The following CNTNAP2 variants were observed in gnomAD, a reference collection of about 807,000 sequenced individuals.
CNTNAP2 encodes contactin associated protein 2.
Under a neutral mutation model 155.2 loss-of-function variants are expected in CNTNAP2, and 98 were observed. The observed-to-expected ratio is 0.63, with a 90% confidence interval of 0.54 to 0.75. The LOEUF (loss-of-function observed/expected upper bound fraction) is 0.75. Ranked by LOEUF, CNTNAP2 falls within the 30% of genes least tolerant of loss-of-function variation. CNTNAP2 has a pLI of 0.00. For missense variants in CNTNAP2, 1,727 were observed against 1,688.1 expected, an observed-to-expected ratio of 1.02 and a Z score of -0.40; for synonymous variants, 651 against 631.2, an observed-to-expected ratio of 1.03 and a Z score of -0.47.
At chr7:148,029,023 A>ATT (rs1232555748) in intron 15 of CNTNAP2, among the ~76,000 whole-genome samples, 1 of 152,152 alleles carries the variant, frequency 6.6e-6, no homozygotes, top group African/African-American at 2.4e-5. Flanking sequence ...TCCATTTTTC[A>ATT]TTATTAAAAT....
At chr7:146,479,980 T>C (rs1387300863) in intron 1 of CNTNAP2, among the ~76,000 whole-genome samples, 1 of 152,082 alleles carries the variant, frequency 6.6e-6, no homozygotes, top group East Asian at 1.9e-4. Flanking sequence ...ATACGGGGTT[T>C]CACCAGGTTG....
At chr7:148,110,506 G>A (rs2116596461) in intron 15 of CNTNAP2, among the ~76,000 whole-genome samples, 1 of 152,106 alleles carries the variant, frequency 6.6e-6, no homozygotes, top group Middle Eastern at 3.4e-3. Flanking sequence ...CCCACAGGTG[G>A]ACTGTGACTT....
chr7:147,697,541 T>G lies in CNTNAP2; in HGVS notation c.2098+58235T>G, dbSNP rs562511766. Among the ~76,000 whole-genome samples the G allele has an allele frequency of 3.3e-5, 5 of 152,284 alleles. No homozygotes were observed. In the South Asian group the frequency reaches 1.0e-3, roughly 32 times the overall value. ...CAGTCTCCAACTATGGTTTTTGTTT[T>G]TTTGCCTTTATTAATATAGTGATAC... On this transcript the variant is annotated intron_variant, in intron 13 of 23. Transcript: ENST00000361727.
In CNTNAP2 at chr7:146,774,300, C is replaced by A; in HGVS notation, c.127C>A (p.Leu43Ile). The change falls in exon 2 of 24, where the codon CTC (leucine) becomes ATC (isoleucine). Residue 43 changes from leucine to isoleucine, a missense_variant. Leu to Ile is a conservative substitution (Grantham distance 5). Transcript: ENST00000361727. ...ATGTGATGAGCCACTTGTCTCTGGA[C>A]TCCCCCATGTGGCTTTCAGCAGCTC... ...QKCDEPLVSGLPHVAFSSSSS... is the reference protein window; with the variant it reads ...QKCDEPLVSGIPHVAFSSSSS... 2 of 1,613,950 alleles carry A rather than the reference C, an allele frequency of 1.2e-6. No homozygotes were observed. The highest frequency in any genetic ancestry group is 1.7e-6 in the Non-Finnish European group (2 of 1,179,952).
intron 20 of CNTNAP2, among the ~76,000 whole-genome samples, chr7:148,231,934 G>A (rs1795969495): frequency 6.6e-6 from 1 of 152,196 alleles, no homozygotes; most frequent in Non-Finnish European, 1.5e-5. Context: ...TTCTGAGGTA[G>A]GAGAGGAGAA....
intron 1 of CNTNAP2, among the ~76,000 whole-genome samples, chr7:146,615,319 C>T (rs1246233094): frequency 6.6e-6 from 1 of 152,188 alleles, no homozygotes; most frequent in Non-Finnish European, 1.5e-5. Context: ...AGTTCTGAGT[C>T]TTGCCAGTTA....
At chr7:147,990,731 G>A (rs1393999626) in intron 15 of CNTNAP2, among the ~76,000 whole-genome samples, 3 of 152,078 alleles carry the variant, frequency 2.0e-5, no homozygotes, top group African/African-American at 7.2e-5. Context: ...TGATGCTCCT[G>A]CTCTGTCAAG....
chr7:146,759,822 G>T (rs959820084), intron 1 of CNTNAP2, among the ~76,000 whole-genome samples: 18 of 152,018 alleles, frequency 1.2e-4, no homozygotes, highest in Non-Finnish European at 1.8e-4. Context: ...ATGGAAAAAG[G>T]TTCGCAGTTA....
chr7:146,938,103 A>G (rs1299103122), intron 3 of CNTNAP2, among the ~76,000 whole-genome samples: 4 of 152,152 alleles, frequency 2.6e-5, no homozygotes, highest in African/African-American at 9.6e-5. Context: ...ATCTATAACA[A>G]AGATAAGTGA....
intron 3 of CNTNAP2, among the ~76,000 whole-genome samples, chr7:146,931,293 C>T (rs866914974): frequency 5.3e-5 from 8 of 151,998 alleles, no homozygotes; most frequent in South Asian, 2.1e-4. Flanking sequence ...CACTCAAAAC[C>T]GCTCAACTAC....
At chr7:147,566,598 G>C (rs570896077) in intron 12 of CNTNAP2, among the ~76,000 whole-genome samples, 4 of 152,252 alleles carry the variant, frequency 2.6e-5, no homozygotes, top group African/African-American at 9.6e-5. Context: ...GCAGGAGAGA[G>C]CATGTGAAGG....
intron 13 of CNTNAP2, among the ~76,000 whole-genome samples, chr7:147,660,245 G>T (rs565841825): frequency 6.6e-6 from 1 of 152,266 alleles, no homozygotes; most frequent in African/African-American, 2.4e-5. Flanking sequence ...GTATTCCTTT[G>T]TACCCTTTTC....
At chr7:146,158,512 G>A (rs1047069657) in intron 1 of CNTNAP2, among the ~76,000 whole-genome samples, 9 of 152,154 alleles carry the variant, frequency 5.9e-5, no homozygotes, top group African/African-American at 2.2e-4. Flanking sequence ...TTAAACGAAT[G>A]GCTAACTAGA....
chr7:147,633,798 T>G (rs1795130261), intron 12 of CNTNAP2, among the ~76,000 whole-genome samples: 1 of 152,184 alleles, frequency 6.6e-6, no homozygotes, highest in Admixed American at 6.5e-5. Flanking sequence ...GATTGTAAGT[T>G]TCCTGAGGCC....
intron 21 of CNTNAP2, among the ~76,000 whole-genome samples, chr7:148,382,320 G>A (rs551043418): frequency 6.6e-6 from 1 of 152,228 alleles, no homozygotes; most frequent in South Asian, 2.1e-4. Flanking sequence ...CACCTCAGAA[G>A]GAGATACCAA....
rs368552118 is a variant in CNTNAP2, at chr7:148,299,763, G to T, written c.3475+32637G>T. 1.6e-4 allele frequency among the ~76,000 whole-genome samples: 24 copies of T among 152,328 alleles called. No individual in the cohort carries two copies. The South Asian group carries it at 4.6e-3, about 29-fold the overall frequency. ...GTGCTCTAGAAATGCATAAAATGAT[G>T]ATTAGTCTTTGCCCAGTAGGCTTTT... On this transcript the variant is annotated intron_variant, in intron 21 of 23. Transcript: ENST00000361727.
intron 10 of CNTNAP2, among the ~76,000 whole-genome samples, chr7:147,485,714 A>G (rs748300731): frequency 2.0e-5 from 3 of 152,178 alleles, no homozygotes; most frequent in Non-Finnish European, 4.4e-5. Flanking sequence ...TCTACTGTTT[A>G]CTCAAAAATG....
At chr7:147,311,726 G>C (rs1386079119) in intron 9 of CNTNAP2, among the ~76,000 whole-genome samples, 1 of 152,058 alleles carries the variant, frequency 6.6e-6, no homozygotes, top group African/African-American at 2.4e-5. Flanking sequence ...CCCCAACAAA[G>C]TTGATATTTT....
chr7:147,538,786 T>C (rs1378045082), intron 11 of CNTNAP2, among the ~76,000 whole-genome samples: 2 of 152,210 alleles, frequency 1.3e-5, no homozygotes, highest in Admixed American at 6.5e-5. Context: ...CAGTTTTTTT[T>C]CCTGAGTATT....
Sources: allele counts gnomAD v4.1 joint callset (sites outside exome capture counted in the v4.1 genomes callset), GRCh38; gene constraint gnomAD v4.1.1; transcripts MANE v1.5; gene names NCBI Gene and HGNC (gene_info 2026-07-23, HGNC 2026-07-21).